The following LRRC4C variants were observed in gnomAD, a reference collection of about 807,000 sequenced individuals.
LRRC4C encodes leucine-rich repeat-containing protein 4C.
A neutral mutation model predicts 33.6 loss-of-function variants in LRRC4C; 5 were observed. The ratio of observed to expected loss-of-function variants is 0.15; its 90% CI spans 0.08 to 0.31. The LOEUF (loss-of-function observed/expected upper bound fraction) is 0.31. LRRC4C is among the 10% of genes least tolerant of loss of function. The probability of loss-of-function intolerance (pLI) is 1.00; values close to 1 mark genes in which losing one functional copy is unlikely to be tolerated. For missense variants in LRRC4C, 560 were observed against 796.7 expected (o/e 0.70, Z 3.58); for synonymous variants, 329 against 302.0 (o/e 1.09, Z -0.93).
intron 2 of LRRC4C, among the ~76,000 whole-genome samples, chr11:40,714,055 C>A (rs569520402): frequency 2.8e-4 from 43 of 152,262 alleles, no homozygotes; most frequent in African/African-American, 1.0e-3. Context: ...ATGACAGCCA[C>A]GTAGCCCTTT....
chr11:41,019,284 T>A (rs1855799253), intron 1 of LRRC4C, among the ~76,000 whole-genome samples: 1 of 152,162 alleles, frequency 6.6e-6, no homozygotes, highest in Non-Finnish European at 1.5e-5. Flanking sequence ...GGTTTTCTGT[T>A]CCTGTGTTAG....
At chr11:40,746,087 C>A (rs12286327) in intron 2 of LRRC4C, among the ~76,000 whole-genome samples, 10,438 of 152,112 alleles carry the variant, frequency 0.069, 596 homozygotes, top group African/African-American at 0.16. Flanking sequence ...AGCAAGGCAA[C>A]CTGATCAGTC....
intron 3 of LRRC4C, among the ~76,000 whole-genome samples, chr11:40,451,428 T>C (rs1301996955): frequency 8.0e-6 from 1 of 124,274 alleles, no homozygotes; most frequent in Non-Finnish European, 1.6e-5. Context: ...CTCTATTGCC[T>C]GGGCCGGAGT....
intron 2 of LRRC4C, among the ~76,000 whole-genome samples, chr11:40,700,236 C>T (rs150850340): frequency 7.2e-5 from 11 of 152,148 alleles, no homozygotes; most frequent in East Asian, 5.8e-4. Context: ...TTTGTTTAAA[C>T]GTGAGACAGT....
chr11:41,368,089 C>A (rs765642516), intron 1 of LRRC4C, among the ~76,000 whole-genome samples: 3 of 152,122 alleles, frequency 2.0e-5, no homozygotes, highest in Non-Finnish European at 4.4e-5. Context: ...TCTATTTCTG[C>A]TATATATTTA....
intron 4 of LRRC4C, among the ~76,000 whole-genome samples, chr11:40,315,259 C>A (rs141557670): frequency 1.3e-5 from 2 of 151,118 alleles, no homozygotes; most frequent in Non-Finnish European, 3.0e-5. Flanking sequence ...AAAGGGATGG[C>A]GTGTGTGTGT....
chr11:40,317,303 T>C (rs1240489193), intron 4 of LRRC4C, among the ~76,000 whole-genome samples: 2 of 151,022 alleles, frequency 1.3e-5, no homozygotes, highest in Non-Finnish European at 2.9e-5. Context: ...AGTCTTTCCA[T>C]TTCCTGATTA....
chr11:40,845,476 C>T (rs1427184405), intron 2 of LRRC4C, among the ~76,000 whole-genome samples: 1 of 152,138 alleles, frequency 6.6e-6, no homozygotes, highest in Non-Finnish European at 1.5e-5. Context: ...CAATGGTTTC[C>T]AGCTTCATCC....
chr11:40,773,379 A>G (rs1313068564), intron 2 of LRRC4C, among the ~76,000 whole-genome samples: 1 of 152,166 alleles, frequency 6.6e-6, no homozygotes, highest in Non-Finnish European at 1.5e-5. Context: ...TTAACAGAAA[A>G]AATGGTAAAC....
rs564061870 is a variant in LRRC4C, at chr11:40,405,182, G to C, written c.-269-85461C>G. Among the ~76,000 whole-genome samples, 3 of 151,132 alleles carry C rather than the reference G, an allele frequency of 2.0e-5. No homozygotes were observed. The East Asian group carries it at 5.9e-4, about 29-fold the overall frequency. Reference sequence around the variant, plus strand: ...AGATTCTACATACAAATGAGCTCATGCAATATTTTTCTTCCTGTGTCTGGG... The same window carrying C: ...AGATTCTACATACAAATGAGCTCATCCAATATTTTTCTTCCTGTGTCTGGG... On this transcript the variant is annotated intron_variant, in intron 3 of 6. Coordinates refer to ENST00000528697, the MANE Select transcript of LRRC4C (RefSeq NM_001258419.2).
At chr11:41,448,717 A>G (rs7124437) in intron 1 of LRRC4C, among the ~76,000 whole-genome samples, 106,670 of 152,134 alleles carry the variant, frequency 0.7, 38,821 homozygotes, top group African/African-American at 0.89. Context: ...TTAGAAGACA[A>G]CATTTCACAG....
chr11:40,596,268 T>C (rs1328614758), intron 3 of LRRC4C, among the ~76,000 whole-genome samples: 1 of 152,190 alleles, frequency 6.6e-6, no homozygotes, highest in African/African-American at 2.4e-5. Context: ...AATTAGCTTG[T>C]TTATTAAAAA....
chr11:41,232,000 T>A (rs1255611230), intron 1 of LRRC4C, among the ~76,000 whole-genome samples: 1 of 152,082 alleles, frequency 6.6e-6, no homozygotes, highest in East Asian at 1.9e-4. Flanking sequence ...CATAGGGTTC[T>A]ATACCACCAC....
intron 3 of LRRC4C, among the ~76,000 whole-genome samples, chr11:40,430,843 A>G (rs914221426): frequency 6.7e-6 from 1 of 150,226 alleles, no homozygotes; most frequent in African/African-American, 2.4e-5. Flanking sequence ...AAACTATCGC[A>G]AGAACAAAAA....
rs536599129 is a variant in LRRC4C at position 41,148,941 on chromosome 11, C to G, written c.-495-215218G>C. Among the ~76,000 whole-genome samples, 25 of 152,266 alleles carry G rather than the reference C, an allele frequency of 1.6e-4. No homozygotes were observed. In the South Asian group the frequency reaches 4.8e-3, roughly 29 times the overall value. On this transcript the variant is annotated intron_variant, in intron 1 of 6. Transcript: ENST00000528697. ...CATAGCACCAGCTAAATCTGCATCC[C>G]TCCTTGGCATGGCTGGCCCAGGTCC...
intron 1 of LRRC4C, among the ~76,000 whole-genome samples, chr11:41,382,177 G>C (rs1052846617): frequency 5.3e-5 from 8 of 151,788 alleles, no homozygotes; most frequent in African/African-American, 1.9e-4. Context: ...TGAAACTAAA[G>C]ATTACCAATA....
At chr11:41,368,027 G>C (rs1013003461) in intron 1 of LRRC4C, among the ~76,000 whole-genome samples, 1 of 152,094 alleles carries the variant, frequency 6.6e-6, no homozygotes, top group Admixed American at 6.5e-5. Context: ...AAGTGCTTGG[G>C]AAATTACTTT....
intron 2 of LRRC4C, among the ~76,000 whole-genome samples, chr11:40,915,412 C>T (rs1956910987): frequency 6.6e-6 from 1 of 152,302 alleles, no homozygotes; most frequent in African/African-American, 2.4e-5. Context: ...ACTACCTGAT[C>T]TTTGACAAAC....
chr11:41,050,527 G>A (rs1380144297), intron 1 of LRRC4C, among the ~76,000 whole-genome samples: 2 of 152,066 alleles, frequency 1.3e-5, no homozygotes, highest in Admixed American at 1.3e-4. Context: ...CCACTTATGA[G>A]TGAGAACACG....
Sources: gnomAD v4.1 joint callset for allele counts (sites outside exome capture counted in the v4.1 genomes callset) on GRCh38, gnomAD v4.1.1 for gene constraint, MANE v1.5 for transcripts, NCBI Gene and HGNC (gene_info 2026-07-23, HGNC 2026-07-21) for gene names.